Variants in CREB5 observed in about 807,000 individuals in gnomAD.
The protein encoded by CREB5 is cyclic AMP-responsive element-binding protein 5.
In CREB5, 19 loss-of-function variants were observed where a neutral mutation model predicts 57.1. That is an observed-to-expected ratio of 0.33 (90% CI 0.23 to 0.49). CREB5 has a LOEUF of 0.49. Among genes scored for constraint, CREB5 ranks in the 20% least tolerant of loss-of-function variants. CREB5 has a pLI of 0.99. For missense variants in CREB5, 579 were observed against 671.6 expected (o/e 0.86, Z 1.52); for synonymous variants, 238 against 238.3 (o/e 1.00, Z 0.01).
intron 4 of CREB5, among the ~76,000 whole-genome samples, chr7:28,509,282 G>A (rs572798584): frequency 4.2e-4 from 64 of 152,346 alleles, no homozygotes; most frequent in South Asian, 3.9e-3. Flanking sequence ...CGTGAAGCCC[G>A]TGGTCGGGGT....
chr7:28,357,248 T>A (rs1786365377), intron 1 of CREB5, among the ~76,000 whole-genome samples: 1 of 152,218 alleles, frequency 6.6e-6, no homozygotes, highest in African/African-American at 2.4e-5. Context: ...TCAGCATGGA[T>A]CTAGATTCTT....
intron 5 of CREB5, among the ~76,000 whole-genome samples, chr7:28,584,797 A>G (rs1034648840): frequency 1.3e-5 from 2 of 151,612 alleles, no homozygotes; most frequent in African/African-American, 2.4e-5. Flanking sequence ...AAAAAAAACT[A>G]TCACTCCATT....
At chr7:28,563,952 C>T (rs557208767) in intron 4 of CREB5, among the ~76,000 whole-genome samples, 2 of 152,298 alleles carry the variant, frequency 1.3e-5, no homozygotes, top group East Asian at 1.9e-4. Context: ...AGCCTGTCCT[C>T]TTAGCAAGAT....
chr7:28,567,111 A>G (rs1053228053), intron 4 of CREB5, among the ~76,000 whole-genome samples: 3 of 152,306 alleles, frequency 2.0e-5, no homozygotes, highest in Admixed American at 2.0e-4. Context: ...GGTGGTTGTC[A>G]TCATTTGAGC....
At chr7:28,597,533 TG>T (rs1199365658) in intron 5 of CREB5, among the ~76,000 whole-genome samples, 1 of 152,214 alleles carries the variant, frequency 6.6e-6, no homozygotes, top group African/African-American at 2.4e-5. Flanking sequence ...CTGGAGGGTC[TG>T]GTTTAGATGC....
intron 5 of CREB5, among the ~76,000 whole-genome samples, chr7:28,635,289 T>C (rs911144240): frequency 1.1e-4 from 16 of 152,088 alleles, no homozygotes; most frequent in African/African-American, 3.9e-4. Context: ...GGCTGATAGG[T>C]TTTCAATTTG....
At chr7:28,538,760 T>C (rs548202828) in intron 4 of CREB5, among the ~76,000 whole-genome samples, 21 of 152,294 alleles carry the variant, frequency 1.4e-4, no homozygotes, top group African/African-American at 4.6e-4. Flanking sequence ...AGCACAACTT[T>C]AGCTGTATCC....
At position 28,657,009 on chromosome 7, in the gene CREB5, G is replaced by A. The variant is rs140958031; in HGVS notation, c.465-61744G>A. On this transcript the variant is annotated intron_variant, in intron 5 of 10. Coordinates refer to ENST00000357727, the MANE Select transcript of CREB5 (RefSeq NM_182898.4). ...TATGGAAGAAAAGTAAGGAAAAAGA[G>A]GGACTTTCTGAGAGAATTTCAAGTG... Among the ~76,000 whole-genome samples, 669 of 152,214 alleles carry A rather than the reference G, an allele frequency of 4.4e-3. 5 individuals are homozygous for A. The highest frequency in any genetic ancestry group is 0.015 in the African/African-American group (637 of 41,538).
chr7:28,818,019 G>A, intron 9 of CREB5, 52 bp from the exon 10 acceptor site: 1 of 1,413,604 alleles, frequency 7.1e-7, no homozygotes, highest in Non-Finnish European at 9.9e-7. Flanking sequence ...CAGGGCTGTG[G>A]GTTTGTATCC....
At chr7:28,636,816 T>C (rs1387535512) in intron 5 of CREB5, among the ~76,000 whole-genome samples, 1 of 152,208 alleles carries the variant, frequency 6.6e-6, no homozygotes, top group East Asian at 1.9e-4. Context: ...CTAAATGGTC[T>C]CTTTTATCCA....
intron 7 of CREB5, among the ~76,000 whole-genome samples, chr7:28,789,691 T>G (rs749111775): frequency 6.6e-6 from 1 of 152,152 alleles, no homozygotes; most frequent in Non-Finnish European, 1.5e-5. Context: ...AGGCTCAAAA[T>G]TAGGATTCAA....
intron 1 of CREB5, among the ~76,000 whole-genome samples, chr7:28,327,008 G>A (rs569565596): frequency 1.1e-3 from 164 of 152,118 alleles, no homozygotes; most frequent in African/African-American, 3.8e-3. Context: ...AATTAGCCGG[G>A]CGTGGTGGCA....
intron 7 of CREB5, among the ~76,000 whole-genome samples, chr7:28,750,271 C>T (rs1044942250): frequency 1.3e-5 from 2 of 152,190 alleles, no homozygotes; most frequent in African/African-American, 4.8e-5. Context: ...ACGTTCCATC[C>T]TGCCTCGCCC....
At chr7:28,563,927 C>G (rs898457963) in intron 4 of CREB5, among the ~76,000 whole-genome samples, 5 of 152,122 alleles carry the variant, frequency 3.3e-5, no homozygotes, top group African/African-American at 1.2e-4. Context: ...CTCACTACCC[C>G]CTTGGTCATG....
chr7:28,494,823 CT>C (rs1012091745), intron 2 of CREB5, 82 bp from the exon 3 acceptor site: 21 of 842,898 alleles, frequency 2.5e-5, no homozygotes, highest in Non-Finnish European at 3.1e-5. Context: ...CTAAATAAGT[CT>C]TTTTCTCAAT....
At chr7:28,361,405 G>A (rs1419493871) in intron 1 of CREB5, among the ~76,000 whole-genome samples, 2 of 152,194 alleles carry the variant, frequency 1.3e-5, no homozygotes, top group East Asian at 3.9e-4. Context: ...TCCAATCATT[G>A]TGAGGCCTTG....
At chr7:28,817,628 A>G (rs1809513278) in intron 9 of CREB5, among the ~76,000 whole-genome samples, 1 of 152,198 alleles carries the variant, frequency 6.6e-6, no homozygotes, top group Non-Finnish European at 1.5e-5. Context: ...AGTCCTTATT[A>G]TGTGCTGGGT....
chr7:28,493,183 T>A (rs1791880896), intron 2 of CREB5, among the ~76,000 whole-genome samples: 1 of 152,218 alleles, frequency 6.6e-6, no homozygotes. Flanking sequence ...ACAAAGGTAA[T>A]TAAAACTTAT....
At chr7:28,797,769 A>G (rs1313591175) in intron 7 of CREB5, among the ~76,000 whole-genome samples, 1 of 152,214 alleles carries the variant, frequency 6.6e-6, no homozygotes, top group East Asian at 1.9e-4. Flanking sequence ...ATAAGTATCA[A>G]TTTGGGCTTT....
Sources: gnomAD v4.1 joint callset for allele counts (sites outside exome capture counted in the v4.1 genomes callset) on GRCh38, gnomAD v4.1.1 for gene constraint, MANE v1.5 for transcripts, NCBI Gene and HGNC (gene_info 2026-07-23, HGNC 2026-07-21) for gene names.